Variants in TRIB3 observed in about 807,000 individuals in gnomAD.
TRIB3 encodes tribbles pseudokinase 3.
In TRIB3, 20 loss-of-function variants were observed where a neutral mutation model predicts 16.6. That is an observed-to-expected ratio of 1.20 (90% CI 0.85 to 1.75). The LOEUF (loss-of-function observed/expected upper bound fraction) is 1.75, where lower values mean the gene tolerates loss of function less well. TRIB3 is among the 40% of genes most tolerant of loss of function. The pLI, the probability that TRIB3 is intolerant of heterozygous loss-of-function variation, is 0.00. For missense variants in TRIB3, 484 were observed against 488.9 expected, an observed-to-expected ratio of 0.99 and a Z score of 0.10; for synonymous variants, 208 against 217.0, an observed-to-expected ratio of 0.96 and a Z score of 0.36.
chr20:390,933 C>T (rs953737873), intron 2 of TRIB3, among the ~76,000 whole-genome samples: 7 of 133,514 alleles, frequency 5.2e-5, no homozygotes, highest in African/African-American at 1.2e-4. Flanking sequence ...ATCCAGGAGG[C>T]GGAGTTTGCA....
Position 397,018 on chromosome 20 carries a change from C to G in TRIB3, c.*328C>G, listed in dbSNP as rs923704772. 1.3e-4 allele frequency: 38 copies of G among 285,920 alleles called. No individual in the cohort carries two copies. The highest frequency in any genetic ancestry group is 8.0e-4 in the African/African-American group (37 of 46,466). 17.7% of individuals were successfully genotyped at this position (285,920 alleles called of 1,614,324 possible). A position where few individuals can be genotyped will look rare whatever the true frequency, so the allele number is the denominator to read the frequency against. On this transcript the variant is annotated 3_prime_UTR_variant, in exon 4 of 4. Coordinates refer to ENST00000217233, the MANE Select transcript of TRIB3 (RefSeq NM_021158.5). ...CCATGACCATAGGTCACTGTCTACA[C>G]TGGGTACACTTTGTACCAGTGTCGG...
chr20:389,798 G>A (rs545452030), intron 2 of TRIB3, among the ~76,000 whole-genome samples: 214 of 152,354 alleles, frequency 1.4e-3, no homozygotes, highest in Non-Finnish European at 2.4e-3. Flanking sequence ...CTATGCCAAT[G>A]TGCACCATGG....
chr20:391,575 G>A lies in TRIB3; in HGVS notation c.580G>A (p.Glu194Lys). 1.2e-6 allele frequency: 2 copies of A among 1,606,888 alleles called. No individual in the cohort carries two copies. Among genetic ancestry groups the A allele is most frequent in the Non-Finnish European group, 1.7e-6 (2 of 1,175,714 alleles). ...KLCRFVFADR[E>K]RKKLVLENLE... ...GTGTCGCTTTGTCTTCGCTGACCGT[G>A]AGAGGTGAGTGTGGTCTCAGAGACC... is the stretch of plus-strand genomic sequence containing the variant. The change falls in exon 3 of 4, where the codon GAG (glutamate) becomes AAG (lysine). Residue 194 changes from glutamate to lysine, a missense_variant. By Grantham distance (56) the Glu-to-Lys change is moderately conservative. Transcript: ENST00000217233.
intron 1 of TRIB3, among the ~76,000 whole-genome samples, chr20:385,987 A>T (rs1600248075): frequency 1.3e-5 from 2 of 151,466 alleles, no homozygotes; most frequent in East Asian, 1.9e-4. Context: ...CCTCCCAAGT[A>T]GCTGGGACTA....
intron 3 of TRIB3, among the ~76,000 whole-genome samples, chr20:393,525 C>G (rs973341765): frequency 5.9e-5 from 9 of 152,120 alleles, no homozygotes; most frequent in African/African-American, 2.2e-4. Flanking sequence ...CTATGTTGCC[C>G]AGGCTGGTCT....
At chr20:393,216 C>A (rs892445274) in intron 3 of TRIB3, among the ~76,000 whole-genome samples, 2 of 152,212 alleles carry the variant, frequency 1.3e-5, no homozygotes, top group African/African-American at 2.4e-5. Flanking sequence ...CCCACTAACA[C>A]CCCTTGCTGT....
At chr20:389,419 G>C (rs181280582) in intron 2 of TRIB3, among the ~76,000 whole-genome samples, 16 of 152,124 alleles carry the variant, frequency 1.1e-4, no homozygotes, top group African/African-American at 3.9e-4. Flanking sequence ...GGAGAGTAGC[G>C]GGGGCCTGGG....
intron 1 of TRIB3, among the ~76,000 whole-genome samples, chr20:387,571 C>G (rs1396140390): frequency 6.7e-6 from 1 of 149,310 alleles, no homozygotes; most frequent in South Asian, 2.1e-4. Context: ...AAAAAAAAAC[C>G]CACCATAAAA....
chr20:386,591 G>T (rs922079610), intron 1 of TRIB3, among the ~76,000 whole-genome samples: 4 of 150,084 alleles, frequency 2.7e-5, no homozygotes. Context: ...TTTTTCTCCC[G>T]TGACGGAGTC....
intron 1 of TRIB3, among the ~76,000 whole-genome samples, chr20:385,080 A>G (rs1457230965): frequency 2.6e-5 from 4 of 152,150 alleles, no homozygotes; most frequent in Admixed American, 6.5e-5. Context: ...AGCCCTTCAC[A>G]ATAGGGCCTC....
intron 1 of TRIB3, chr20:385,721 G>A (rs572207419): frequency 6.6e-6 from 1 of 152,004 alleles, no homozygotes; most frequent in Non-Finnish European, 1.5e-5. Flanking sequence ...GGCTAACTCT[G>A]CCTCACTTTC....
intron 2 of TRIB3, among the ~76,000 whole-genome samples, chr20:390,264 G>C (rs2014936075): frequency 6.6e-6 from 1 of 151,658 alleles, no homozygotes; most frequent in Non-Finnish European, 1.5e-5. Context: ...GGAGGTGGAG[G>C]TTGCAGTGAG....
In TRIB3 at chr20:396,928, A is replaced by G; in HGVS notation, c.*238A>G. 1.9e-6 allele frequency: 1 copy of G among 526,546 alleles called. No individual in the cohort carries two copies. The highest frequency in any genetic ancestry group is 3.3e-6 in the Non-Finnish European group (1 of 302,370). The allele number at this position is 526,546 out of a possible 1,614,324, so 32.6% of individuals were successfully genotyped here. On this transcript the variant is annotated 3_prime_UTR_variant, in exon 4 of 4. Coordinates refer to ENST00000217233, the MANE Select transcript of TRIB3 (RefSeq NM_021158.5). ...CGGTGCTGGGAGTACAGCAGTGAGC[A>G]AAGGAGACAATATTCCCTGCTCACA...
At chr20:390,372 T>G (rs1322368790) in intron 2 of TRIB3, among the ~76,000 whole-genome samples, 1 of 152,090 alleles carries the variant, frequency 6.6e-6, no homozygotes, top group Non-Finnish European at 1.5e-5. Flanking sequence ...TCCAGCATCT[T>G]TCTTGGTTCC....
intron 1 of TRIB3, among the ~76,000 whole-genome samples, chr20:386,045 G>A (rs550255357): frequency 6.6e-6 from 1 of 151,736 alleles, no homozygotes; most frequent in East Asian, 1.9e-4. Context: ...ATTTTTTTTT[G>A]TAGAGACAGG....
At position 388,174 on chromosome 20, in the gene TRIB3, C is replaced by G. The variant is rs2014873672; in HGVS notation, c.164C>G (p.Ala55Gly). Residue 55 changes from alanine (A) to glycine (G), a missense_variant, in exon 2 of 4, where the codon GCT (alanine) becomes GGT (glycine). Coordinates refer to ENST00000217233, the MANE Select transcript of TRIB3 (RefSeq NM_021158.5). ...PCLLPLSPPTAPDRATAVATA... is the reference protein window; with the variant it reads ...PCLLPLSPPTGPDRATAVATA... ...CTGTTGCCCCTGAGCCCACCTACTG[C>G]TCCAGATCGTGCAACTGCTGTGGCC... 6.2e-7 allele frequency: 1 copy of G among 1,614,064 alleles called. No homozygotes were observed. Among genetic ancestry groups the G allele is most frequent in the African/African-American group, 1.3e-5 (1 of 75,064 alleles).
chr20:382,510 G>C, intron 1 of TRIB3: 2 of 1,534,998 alleles, frequency 1.3e-6, no homozygotes, highest in African/African-American at 2.7e-5. Context: ...TGTCATCCCA[G>C]CCTCGAACCT....
rs560509932 is a variant in TRIB3 at position 390,631 on chromosome 20, G to A, written c.292-656G>A. On this transcript the variant is annotated intron_variant, in intron 2 of 3. Transcript: ENST00000217233. Reference sequence around the variant, plus strand: ...CCCTTCCGGATTCCTCCTGCTTTGTGGGTTATTTTTCTGTTTGGGTGACCT... The same window carrying A: ...CCCTTCCGGATTCCTCCTGCTTTGTAGGTTATTTTTCTGTTTGGGTGACCT... Among the ~76,000 whole-genome samples, 29 of 152,262 alleles carry A rather than the reference G, an allele frequency of 1.9e-4. 1 individual carries two copies. Among genetic ancestry groups the A allele is most frequent in the Middle Eastern group, 3.4e-3 (1 of 294 alleles).
At position 387,982 on chromosome 20, in the gene TRIB3, C is replaced by A. The variant is rs199935324; in HGVS notation, c.1-29C>A. 3.1e-6 allele frequency: 5 copies of A among 1,600,646 alleles called. No homozygotes were observed. The African/African-American group carries it at 6.7e-5, about 21-fold the overall frequency. On this transcript the variant is annotated intron_variant, in intron 1 of 3. Coordinates refer to ENST00000217233, the MANE Select transcript of TRIB3 (RefSeq NM_021158.5). ...AAGGAGGGGCCACCAAGCAGTCTCA[C>A]TTTAGTGCTTTTCTCTCCTTTTTAC...
Sources: gnomAD v4.1 joint callset for allele counts (sites outside exome capture counted in the v4.1 genomes callset) on GRCh38, gnomAD v4.1.1 for gene constraint, MANE v1.5 for transcripts, NCBI Gene and HGNC (gene_info 2026-07-23, HGNC 2026-07-21) for gene names.